KLF12: variants seen among roughly 807,000 people sequenced by gnomAD.
KLF12 encodes KLF transcription factor 12, also known as Krueppel-like factor 12.
Under a neutral mutation model 37.8 loss-of-function variants are expected in KLF12, and 9 were observed. That is an observed-to-expected ratio of 0.24 (90% CI 0.14 to 0.42). The LOEUF (loss-of-function observed/expected upper bound fraction) is 0.42, where lower values mean the gene tolerates loss of function less well. Among genes scored for constraint, KLF12 ranks in the 10% least tolerant of loss-of-function variants. The probability of loss-of-function intolerance (pLI) is 1.00; values close to 1 mark genes in which losing one functional copy is unlikely to be tolerated. For synonymous variants in KLF12, 208 were observed against 202.1 expected (o/e 1.03, Z -0.25); for missense variants, 411 against 516.0 (o/e 0.80, Z 1.97).
chr13:74,304,564 AT>A, the KLF12 span, among the ~76,000 whole-genome samples: 1 of 152,192 alleles, frequency 6.6e-6, no homozygotes, highest in African/African-American at 2.4e-5. Context: ...AATTTAAAAA[AT>A]ATAAGCTATT....
chr13:73,768,844 C>G (rs1487146347), intron 5 of KLF12, among the ~76,000 whole-genome samples: 1 of 152,134 alleles, frequency 6.6e-6, no homozygotes, highest in Non-Finnish European at 1.5e-5. Flanking sequence ...GATTTAAACA[C>G]AGGTACGTCT....
intron 3 of KLF12, among the ~76,000 whole-genome samples, chr13:73,857,393 G>A (rs1350545730): frequency 6.6e-6 from 1 of 152,164 alleles, no homozygotes; most frequent in Non-Finnish European, 1.5e-5. Flanking sequence ...TAAAGATACT[G>A]AATGAAATAA....
the KLF12 span, among the ~76,000 whole-genome samples, chr13:74,283,265 C>T: frequency 6.6e-6 from 1 of 152,154 alleles, no homozygotes; most frequent in Non-Finnish European, 1.5e-5. Context: ...TCAACGTTTA[C>T]TTCATGAATA....
intron 5 of KLF12, among the ~76,000 whole-genome samples, chr13:73,803,137 A>T (rs1263343419): frequency 6.6e-6 from 1 of 152,208 alleles, no homozygotes; most frequent in African/African-American, 2.4e-5. Context: ...AATTTTTATA[A>T]CAGCAAGAGA....
chr13:73,703,549 C>A (rs1874709796), intron 7 of KLF12, among the ~76,000 whole-genome samples: 1 of 152,098 alleles, frequency 6.6e-6, no homozygotes, highest in South Asian at 2.1e-4. Context: ...TTATGAAGAC[C>A]AAGTGGGTTC....
At chr13:73,970,918 TG>T (rs35830946) in intron 2 of KLF12, among the ~76,000 whole-genome samples, 1 of 151,782 alleles carries the variant, frequency 6.6e-6, no homozygotes, top group African/African-American at 2.4e-5. Flanking sequence ...AGCAGAAGGG[TG>T]GGGAATGTTT....
the KLF12 span, among the ~76,000 whole-genome samples, chr13:74,170,153 T>C: frequency 6.6e-6 from 1 of 152,072 alleles, no homozygotes; most frequent in African/African-American, 2.4e-5. Context: ...AAAAGCGTAA[T>C]TACGCCCTAT....
intron 2 of KLF12, among the ~76,000 whole-genome samples, chr13:73,984,479 T>C (rs1891771732): frequency 6.6e-6 from 1 of 152,172 alleles, no homozygotes; most frequent in African/African-American, 2.4e-5. Context: ...TCTCTGAAGT[T>C]AGAGGCTTAT....
intron 5 of KLF12, among the ~76,000 whole-genome samples, chr13:73,807,077 G>C (rs939105348): frequency 4.6e-5 from 7 of 152,196 alleles, no homozygotes; most frequent in Non-Finnish European, 1.0e-4. Flanking sequence ...GAAGGCCGAG[G>C]TGGGTGGATC....
At chr13:74,303,280 A>T in the KLF12 span, among the ~76,000 whole-genome samples, 1 of 152,254 alleles carries the variant, frequency 6.6e-6, no homozygotes, top group Admixed American at 6.5e-5. Flanking sequence ...AGTTGCCCCA[A>T]GAACCTTCAC....
chr13:74,001,045 T>G (rs998773257), intron 1 of KLF12, among the ~76,000 whole-genome samples: 5 of 152,228 alleles, frequency 3.3e-5, no homozygotes, highest in African/African-American at 1.2e-4. Context: ...TATAAACATG[T>G]GCCATTTGGA....
intron 2 of KLF12, among the ~76,000 whole-genome samples, chr13:73,987,805 AGT>A (rs1437286453): frequency 8.9e-6 from 1 of 112,092 alleles, no homozygotes; most frequent in Non-Finnish European, 1.8e-5. Flanking sequence ...GGAGAGAGAA[AGT>A]GGGGGGGTAG....
intron 1 of KLF12, among the ~76,000 whole-genome samples, chr13:74,072,435 C>T (rs904827006): frequency 3.3e-4 from 37 of 113,000 alleles, no homozygotes; most frequent in African/African-American, 1.0e-3. Context: ...AACTAAACAA[C>T]GTTAAAAATA....
At chr13:74,226,247 G>A in the KLF12 span, among the ~76,000 whole-genome samples, 17 of 152,274 alleles carry the variant, frequency 1.1e-4, no homozygotes, top group African/African-American at 4.1e-4. Context: ...GACTTGGGAA[G>A]GAGAGGAGGC....
the KLF12 span, among the ~76,000 whole-genome samples, chr13:74,176,082 C>G: frequency 1.3e-5 from 2 of 152,164 alleles, no homozygotes; most frequent in South Asian, 2.1e-4. Context: ...ATTACAACTT[C>G]TTGAAATTGA....
chr13:73,751,699 A>G (rs1335065132), intron 6 of KLF12, among the ~76,000 whole-genome samples: 1 of 152,202 alleles, frequency 6.6e-6, no homozygotes, highest in Non-Finnish European at 1.5e-5. Context: ...GGCTCTTCCA[A>G]TGCTAAAGTC....
chr13:74,268,729 T>A, the KLF12 span, among the ~76,000 whole-genome samples: 1 of 152,182 alleles, frequency 6.6e-6, no homozygotes, highest in Admixed American at 6.5e-5. Context: ...TTACAGCTCA[T>A]AATGTGCCCT....
chr13:74,045,428 G>A (rs902285740), intron 1 of KLF12, among the ~76,000 whole-genome samples: 1 of 151,972 alleles, frequency 6.6e-6, no homozygotes, highest in South Asian at 2.1e-4. Flanking sequence ...CAAGGTCATC[G>A]AACACAAGGA....
chr13:73,755,824 TG>T (rs1383137273), intron 6 of KLF12, among the ~76,000 whole-genome samples: 1 of 152,082 alleles, frequency 6.6e-6, no homozygotes, highest in Non-Finnish European at 1.5e-5. Flanking sequence ...ATAGCTTAGC[TG>T]CCACTTATGA....
Sources: allele counts gnomAD v4.1 joint callset (sites outside exome capture counted in the v4.1 genomes callset), GRCh38; gene constraint gnomAD v4.1.1; transcripts MANE v1.5; gene names NCBI Gene and HGNC (gene_info 2026-07-23, HGNC 2026-07-21).